The following BCAR3 variants were observed in gnomAD, a reference collection of about 807,000 sequenced individuals.
BCAR3 encodes BCAR3 adaptor protein, NSP family member, also known as breast cancer anti-estrogen resistance protein 3.
In BCAR3, 37 loss-of-function variants were observed where a neutral mutation model predicts 80.1. The ratio of observed to expected loss-of-function variants is 0.46; its 90% CI spans 0.36 to 0.61. The LOEUF (loss-of-function observed/expected upper bound fraction) is 0.61. BCAR3 is among the 20% of genes least tolerant of loss of function. The pLI is 0.00. For missense variants in BCAR3, 978 were observed against 1,068.2 expected (o/e 0.92, Z 1.18); for synonymous variants, 389 against 418.9 (o/e 0.93, Z 0.87).
intron 2 of BCAR3, among the ~76,000 whole-genome samples, chr1:93,743,003 ATTCT>A (rs1205514675): frequency 6.6e-6 from 1 of 152,220 alleles, no homozygotes; most frequent in Non-Finnish European, 1.5e-5. Flanking sequence ...TTTTCAAATC[ATTCT>A]TTATTTTAAA....
rs1647406213 is a variant in BCAR3, at chr1:93,656,826, C to A, written c.318-14483G>T. Among the ~76,000 whole-genome samples, 4 of 152,132 alleles carry A rather than the reference C, an allele frequency of 2.6e-5. No individual in the cohort carries two copies. The South Asian group carries it at 8.3e-4, about 32-fold the overall frequency. The stretch of plus-strand genomic sequence containing the variant: ...GCTATGTTGAGCCTCTTGCCTCAGC[C>A]TCTCAAAGTGGTAGGATTACAGATA... On this transcript the variant is annotated intron_variant, in intron 2 of 11. Transcript: ENST00000260502.
chr1:93,725,922 C>T (rs1228327571), intron 2 of BCAR3, among the ~76,000 whole-genome samples: 1 of 152,150 alleles, frequency 6.6e-6, no homozygotes, highest in South Asian at 2.1e-4. Context: ...TATTTCTGGG[C>T]TCTCTATTCT....
intron 3 of BCAR3, among the ~76,000 whole-genome samples, chr1:93,687,271 C>A (rs1459198665): frequency 6.6e-6 from 1 of 152,120 alleles, no homozygotes; most frequent in East Asian, 1.9e-4. Flanking sequence ...AGTCCACAAC[C>A]AGGCTTCATC....
intron 2 of BCAR3, among the ~76,000 whole-genome samples, chr1:93,759,575 A>G (rs535527139): frequency 1.3e-5 from 2 of 152,268 alleles, no homozygotes; most frequent in South Asian, 4.1e-4. Flanking sequence ...CTTCATTTTC[A>G]TGCCAACTGC....
chr1:93,563,340 CATG>C (rs746318393), intron 11 of BCAR3, among the ~76,000 whole-genome samples: 10 of 152,214 alleles, frequency 6.6e-5, no homozygotes, highest in Admixed American at 1.3e-4. Context: ...TTTCACTTAG[CATG>C]ATGTTTTTGA....
intron 2 of BCAR3, among the ~76,000 whole-genome samples, chr1:93,807,227 C>G (rs1369533778): frequency 6.6e-6 from 1 of 151,742 alleles, no homozygotes; most frequent in Non-Finnish European, 1.5e-5. Context: ...TGAAAATAAA[C>G]TGAAAAAAAG....
At chr1:93,689,018 A>G (rs1303301004) in intron 3 of BCAR3, among the ~76,000 whole-genome samples, 2 of 152,212 alleles carry the variant, frequency 1.3e-5, no homozygotes, top group East Asian at 3.8e-4. Flanking sequence ...CAAAGTTTTA[A>G]AAATTCATTG....
chr1:93,622,717 C>T (rs774522229), intron 3 of BCAR3, among the ~76,000 whole-genome samples: 16 of 152,182 alleles, frequency 1.1e-4, no homozygotes, highest in East Asian at 3.9e-4. Context: ...CATTGACTGC[C>T]GGCCAGTTTC....
intron 9 of BCAR3, 172 bp from the exon 10 acceptor site, chr1:93,568,023 C>T (rs1394278667): frequency 3.9e-6 from 2 of 510,978 alleles, no homozygotes. Flanking sequence ...CCTGTCTCTA[C>T]TCAAATACAA....
At chr1:93,634,898 C>T (rs544694895) in intron 3 of BCAR3, among the ~76,000 whole-genome samples, 3 of 152,188 alleles carry the variant, frequency 2.0e-5, no homozygotes, top group Non-Finnish European at 2.9e-5. Flanking sequence ...ATCAGCAGCA[C>T]GAAAACAGAC....
At chr1:93,735,317 A>C (rs1386031076) in intron 2 of BCAR3, among the ~76,000 whole-genome samples, 1 of 152,198 alleles carries the variant, frequency 6.6e-6, no homozygotes, top group Non-Finnish European at 1.5e-5. Flanking sequence ...ATGATTTTCC[A>C]TGTGATTCTC....
intron 2 of BCAR3, among the ~76,000 whole-genome samples, chr1:93,750,834 C>T (rs1651531371): frequency 6.6e-6 from 1 of 152,186 alleles, no homozygotes; most frequent in African/African-American, 2.4e-5. Context: ...AGTCAAGATA[C>T]CCTGGATCTT....
chr1:93,654,248 T>C (rs1186699296), intron 2 of BCAR3, among the ~76,000 whole-genome samples: 4 of 152,150 alleles, frequency 2.6e-5, no homozygotes, highest in Non-Finnish European at 5.9e-5. Context: ...TCAGTTGATG[T>C]TACGAGACAG....
chr1:93,681,915 T>G (rs2101956972), upstream of BCAR3: 1 of 152,386 alleles, frequency 6.6e-6, no homozygotes, highest in East Asian at 1.9e-4. Context: ...CGATTCGCGC[T>G]GCCTTGCGGA....
intron 2 of BCAR3, among the ~76,000 whole-genome samples, chr1:93,722,427 C>T (rs187623581): frequency 2.6e-5 from 4 of 152,294 alleles, no homozygotes; most frequent in Non-Finnish European, 4.4e-5. Flanking sequence ...ACAGCTGACC[C>T]GCCACGGTCC....
chr1:93,598,527 G>A (rs1299763940), intron 3 of BCAR3, among the ~76,000 whole-genome samples: 3 of 152,186 alleles, frequency 2.0e-5, no homozygotes, highest in Non-Finnish European at 2.9e-5. Flanking sequence ...TGACCAAACA[G>A]TTGCCAGCAT....
At chr1:93,802,484 T>C (rs6541397) in intron 2 of BCAR3, among the ~76,000 whole-genome samples, 13,006 of 152,132 alleles carry the variant, frequency 0.085, 1,094 homozygotes, top group African/African-American at 0.21. Context: ...ACCAGTAGGA[T>C]CCTGGGTAGG....
At chr1:93,832,686 A>G (rs894838698) in intron 2 of BCAR3, among the ~76,000 whole-genome samples, 12 of 152,114 alleles carry the variant, frequency 7.9e-5, no homozygotes, top group Admixed American at 3.3e-4. Flanking sequence ...CCTTGCCTCC[A>G]TAACTGTTGT....
At chr1:93,721,676 G>A (rs577667941) in intron 2 of BCAR3, among the ~76,000 whole-genome samples, 10 of 152,302 alleles carry the variant, frequency 6.6e-5, no homozygotes, top group Non-Finnish European at 1.3e-4. Context: ...GCCCATTCTC[G>A]TGGCCTCCAC....
Sources: gnomAD v4.1 joint callset for allele counts (sites outside exome capture counted in the v4.1 genomes callset) on GRCh38, gnomAD v4.1.1 for gene constraint, MANE v1.5 for transcripts, NCBI Gene and HGNC (gene_info 2026-07-23, HGNC 2026-07-21) for gene names.